Variants in TRPM3 observed in about 807,000 individuals in gnomAD.
TRPM3 encodes the protein transient receptor potential cation channel subfamily M member 3, also known as long transient receptor potential channel 3.
TRPM3 carries 77 observed loss-of-function variants against 181.2 expected under a neutral mutation model. That is an observed-to-expected ratio of 0.42 (90% confidence interval 0.35 to 0.51). The LOEUF is 0.51. Among genes scored for constraint, TRPM3 ranks in the 20% least tolerant of loss-of-function variants. The pLI is 0.01. For missense variants in TRPM3, 1,759 were observed against 2,196.7 expected (o/e 0.80, Z 3.98); for synonymous variants, 745 against 796.4 (o/e 0.94, Z 1.09).
At chr9:70,928,371 G>A (rs1228474594) in intron 1 of TRPM3, among the ~76,000 whole-genome samples, 1 of 152,172 alleles carries the variant, frequency 6.6e-6, no homozygotes, top group African/African-American at 2.4e-5. Context: ...CTTGCTAAAA[G>A]GGTGATCCTA....
At chr9:70,795,206 G>A (rs1394532146) in intron 6 of TRPM3, among the ~76,000 whole-genome samples, 1 of 152,158 alleles carries the variant, frequency 6.6e-6, no homozygotes, top group Non-Finnish European at 1.5e-5. Context: ...ATTGAGGGGT[G>A]TTTGCATATT....
chr9:71,329,015 A>C (rs2089924704), intron 1 of TRPM3, among the ~76,000 whole-genome samples: 3 of 152,228 alleles, frequency 2.0e-5, no homozygotes, highest in Admixed American at 6.5e-5. Context: ...TGGGCAAGGA[A>C]GTTGACCTTC....
intron 1 of TRPM3, among the ~76,000 whole-genome samples, chr9:71,439,937 C>T (rs972107225): frequency 2.6e-5 from 4 of 151,864 alleles, no homozygotes; most frequent in African/African-American, 9.7e-5. Flanking sequence ...CTGGCTAACA[C>T]GGTGAAACCC....
chr9:71,332,375 G>GT (rs1266697105), intron 1 of TRPM3, among the ~76,000 whole-genome samples: 2 of 135,330 alleles, frequency 1.5e-5, no homozygotes, highest in African/African-American at 3.1e-5. Flanking sequence ...TTTCAATGTT[G>GT]GGTGTGTGTG....
At chr9:71,111,403 T>A (rs1268250732) in intron 1 of TRPM3, among the ~76,000 whole-genome samples, 1 of 152,162 alleles carries the variant, frequency 6.6e-6, no homozygotes, top group Non-Finnish European at 1.5e-5. Context: ...TGGGGGTGAT[T>A]TTTCCCCTCG....
chr9:71,325,012 T>A (rs142759082), intron 1 of TRPM3, among the ~76,000 whole-genome samples: 1,880 of 152,002 alleles, frequency 0.012, 44 homozygotes, highest in South Asian at 0.063. Context: ...TAAGAAGAAA[T>A]AAACTCAATG....
intron 20 of TRPM3, among the ~76,000 whole-genome samples, chr9:70,602,891 G>A (rs184645172): frequency 6.6e-6 from 1 of 152,316 alleles, no homozygotes; most frequent in Non-Finnish European, 1.5e-5. Flanking sequence ...AGAATGTTAA[G>A]AAATAAACCA....
At chr9:71,156,082 A>G (rs1371348573) in intron 1 of TRPM3, among the ~76,000 whole-genome samples, 1 of 152,018 alleles carries the variant, frequency 6.6e-6, no homozygotes, top group East Asian at 1.9e-4. Context: ...GAAAGCCATC[A>G]CTCTAAATTA....
intron 1 of TRPM3, among the ~76,000 whole-genome samples, chr9:71,057,540 C>A (rs1261491493): frequency 6.6e-6 from 1 of 152,008 alleles, no homozygotes; most frequent in Non-Finnish European, 1.5e-5. Flanking sequence ...GTACTAAAAG[C>A]AATGATTGCT....
At chr9:70,545,213 A>T (rs2044515896) in intron 25 of TRPM3, among the ~76,000 whole-genome samples, 1 of 152,222 alleles carries the variant, frequency 6.6e-6, no homozygotes, top group Non-Finnish European at 1.5e-5. Context: ...CCGTTATACC[A>T]TGGAGAGAAC....
chr9:70,557,135 TAG>T (rs2047907057), intron 22 of TRPM3, among the ~76,000 whole-genome samples: 1 of 152,180 alleles, frequency 6.6e-6, no homozygotes, highest in African/African-American at 2.4e-5. Flanking sequence ...TGTAATTTGG[TAG>T]AGACATAGAA....
At chr9:70,918,227 T>G (rs1340214849) in intron 1 of TRPM3, among the ~76,000 whole-genome samples, 2 of 152,108 alleles carry the variant, frequency 1.3e-5, no homozygotes, top group Admixed American at 6.5e-5. Context: ...AGAAAGAAGA[T>G]CAGCAAAGAA....
chr9:70,632,134 T>C (rs932655187), intron 12 of TRPM3, among the ~76,000 whole-genome samples: 4 of 152,196 alleles, frequency 2.6e-5, no homozygotes, highest in African/African-American at 9.6e-5. Context: ...TTTTCTTTAA[T>C]TTTGAAAATT....
Position 71,064,163 on chromosome 9 carries a change from C to A in TRPM3, c.177+57015G>T, listed in dbSNP as rs75340128. Among the ~76,000 whole-genome samples the A allele has an allele frequency of 8.4e-3, 1,275 of 152,146 alleles. 22 individuals carry two copies. The highest frequency in any genetic ancestry group is 0.028 in the African/African-American group (1,156 of 41,506). On this transcript the variant is annotated intron_variant, in intron 1 of 25. Transcript: ENST00000677713. Reference sequence around the variant, plus strand: ...CTAATTGTCATAAAGTAATTCTTTTCGGTAAATCCTTTTACCTGGGAATTT... The same window carrying A: ...CTAATTGTCATAAAGTAATTCTTTTAGGTAAATCCTTTTACCTGGGAATTT...
chr9:70,586,179 T>A (rs534605786), intron 22 of TRPM3, among the ~76,000 whole-genome samples: 4 of 152,326 alleles, frequency 2.6e-5, no homozygotes, highest in Admixed American at 2.0e-4. Context: ...GTATCGTCAA[T>A]GGCAGCTTGC....
At chr9:70,926,952 C>T (rs970272011) in intron 1 of TRPM3, among the ~76,000 whole-genome samples, 13 of 152,276 alleles carry the variant, frequency 8.5e-5, no homozygotes, top group African/African-American at 3.1e-4. Context: ...TGAATTTAAT[C>T]AAGAAATTTC....
chr9:70,785,080 A>G (rs2083317649), intron 6 of TRPM3, among the ~76,000 whole-genome samples: 1 of 151,996 alleles, frequency 6.6e-6, no homozygotes, highest in Non-Finnish European at 1.5e-5. Context: ...TGAATTACCC[A>G]GGAGATATGG....
Position 70,686,311 on chromosome 9 carries a change from T to C in TRPM3, c.1273-4733A>G, listed in dbSNP as rs1285267047. Among the ~76,000 whole-genome samples, 5 of 152,338 alleles carry C rather than the reference T, an allele frequency of 3.3e-5. No homozygotes were observed. The East Asian group carries it at 9.6e-4, about 29-fold the overall frequency. On this transcript the variant is annotated intron_variant, in intron 8 of 25. Transcript: ENST00000677713. The stretch of plus-strand genomic sequence containing the variant: ...TTAGCCAGTCTTCCGCTAATGAACA[T>C]TTGGATCAATTTTCAATCTTTTGCT...
intron 8 of TRPM3, among the ~76,000 whole-genome samples, chr9:70,698,302 T>A (rs1042193486): frequency 6.6e-6 from 1 of 152,020 alleles, no homozygotes; most frequent in Non-Finnish European, 1.5e-5. Flanking sequence ...GCAAGCAGCC[T>A]CTGGAGTCAA....
Sources: gnomAD v4.1 joint callset for allele counts (sites outside exome capture counted in the v4.1 genomes callset) on GRCh38, gnomAD v4.1.1 for gene constraint, MANE v1.5 for transcripts, NCBI Gene and HGNC (gene_info 2026-07-23, HGNC 2026-07-21) for gene names.